HECW1: variants seen among roughly 807,000 people sequenced by gnomAD.
HECW1 encodes HECT, C2 and WW domain containing E3 ubiquitin protein ligase 1, also known as E3 ubiquitin-protein ligase HECW1.
A neutral mutation model predicts 182.3 loss-of-function variants in HECW1; 61 were observed. That is an observed-to-expected ratio of 0.33 (90% CI 0.27 to 0.41). The LOEUF (loss-of-function observed/expected upper bound fraction) is 0.41, where lower values mean the gene tolerates loss of function less well. HECW1 is among the 10% of genes least tolerant of loss of function. The pLI is 1.00. For missense variants in HECW1, 1,739 were observed against 2,108.9 expected, an observed-to-expected ratio of 0.82 and a Z score of 3.44; for synonymous variants, 859 against 832.6, an observed-to-expected ratio of 1.03 and a Z score of -0.55.
chr7:43,423,857 G>A (rs543447086), intron 8 of HECW1, among the ~76,000 whole-genome samples: 24 of 152,304 alleles, frequency 1.6e-4, no homozygotes, highest in African/African-American at 5.5e-4. Flanking sequence ...CACTAAAAGT[G>A]ACATCCTGTA....
rs1288308630 is a variant in HECW1 at position 43,488,424 on chromosome 7, AAGAAAGAAAG to A, written c.3235-3639_3235-3630del. On this transcript the variant is annotated intron_variant, in intron 17 of 29. Coordinates refer to ENST00000395891, the MANE Select transcript of HECW1 (RefSeq NM_015052.5). Reference sequence around the variant, plus strand: ...GAAATGAAAGAAAGAGAGAGAGAGAAAGAAAGAAAGAGAAAGAAAGAAAGAAAGAAAGAAA... The same window carrying A: ...GAAATGAAAGAAAGAGAGAGAGAGAAAGAAAGAAAGAAAGAAAGAAAGAAA... 1.3e-3 allele frequency among the ~76,000 whole-genome samples: 82 copies of A among 61,878 alleles called. 1 individual carries two copies. The highest frequency in any genetic ancestry group is 3.0e-3 in the African/African-American group (76 of 25,388). 40.6% of individuals were successfully genotyped at this position (61,878 alleles called of 152,430 possible). A position where few individuals can be genotyped will look rare whatever the true frequency, so the allele number is the denominator to read the frequency against.
At chr7:43,520,091 G>C (rs757864047) in intron 24 of HECW1, among the ~76,000 whole-genome samples, 1 of 152,050 alleles carries the variant, frequency 6.6e-6, no homozygotes, top group Non-Finnish European at 1.5e-5. Context: ...ATTATTAGTG[G>C]TAAACAAATG....
intron 5 of HECW1, among the ~76,000 whole-genome samples, chr7:43,360,441 G>A (rs1005078745): frequency 1.3e-5 from 2 of 152,094 alleles, no homozygotes; most frequent in Admixed American, 1.3e-4. Context: ...ATGGGTACAG[G>A]AGTTTAGAAA....
In HECW1 at chr7:43,554,020, A is replaced by G. The variant is rs572372008; in HGVS notation, c.4511-572A>G. Among the ~76,000 whole-genome samples, 113 of 152,376 alleles carry G rather than the reference A, an allele frequency of 7.4e-4. 1 individual carries two copies. The highest frequency in any genetic ancestry group is 3.9e-3 in the Admixed American group (60 of 15,308). ...TATCCAAGCATGGTCTCCCCAGCTT[A>G]CTGTGAGAGGGACCCAGTACTTAAT... On this transcript the variant is annotated intron_variant, in intron 28 of 29. Transcript: ENST00000395891.
chr7:43,369,414 C>T (rs538770037), intron 6 of HECW1, among the ~76,000 whole-genome samples: 22 of 152,222 alleles, frequency 1.4e-4, no homozygotes, highest in South Asian at 6.2e-4. Flanking sequence ...GCCAAGATCA[C>T]GCCATTGCAC....
At chr7:43,445,662 G>A (rs889595510) in intron 11 of HECW1, 92 bp downstream of exon 11, 1 of 1,424,480 alleles carries the variant, frequency 7.0e-7, no homozygotes, top group Non-Finnish European at 9.3e-7. Flanking sequence ...GCGGGGGATC[G>A]GTGTCAAACG....
intron 2 of HECW1, among the ~76,000 whole-genome samples, chr7:43,225,117 G>A (rs1259797649): frequency 6.6e-6 from 1 of 152,202 alleles, no homozygotes; most frequent in African/African-American, 2.4e-5. Flanking sequence ...CAGGGGCCTG[G>A]AGATCCTGGA....
intron 14 of HECW1, 110 bp downstream of exon 14, chr7:43,463,909 G>C: frequency 8.0e-7 from 1 of 1,243,142 alleles, no homozygotes; most frequent in Non-Finnish European, 1.1e-6. Flanking sequence ...CCAGGGTGAA[G>C]AGAGTGGAAG....
At chr7:43,423,628 G>A (rs1040989640) in intron 8 of HECW1, among the ~76,000 whole-genome samples, 1 of 152,210 alleles carries the variant, frequency 6.6e-6, no homozygotes, top group Non-Finnish European at 1.5e-5. Context: ...GGAATAGAGT[G>A]AGCTGGGCAA....
chr7:43,332,223 TCTC>T (rs1460270164), intron 5 of HECW1, among the ~76,000 whole-genome samples: 1 of 152,064 alleles, frequency 6.6e-6, no homozygotes. Flanking sequence ...ATAAAAAGCT[TCTC>T]CTCTTCCTCT....
intron 5 of HECW1, among the ~76,000 whole-genome samples, chr7:43,336,144 T>TCTCTC (rs1812211759): frequency 4.0e-4 from 21 of 51,978 alleles, no homozygotes; most frequent in Middle Eastern, 0.014. Flanking sequence ...CTCTCTCTCT[T>TCTCTC]TCTCTCTCTC....
At chr7:43,304,840 A>G (rs968242366) in intron 3 of HECW1, among the ~76,000 whole-genome samples, 3 of 152,160 alleles carry the variant, frequency 2.0e-5, no homozygotes, top group Admixed American at 6.5e-5. Flanking sequence ...GCCAGGCACT[A>G]CTTTTGCTGG....
chr7:43,319,408 A>AAAAAAAAAAAAAAG (rs1249772644), intron 4 of HECW1, among the ~76,000 whole-genome samples: 2 of 136,312 alleles, frequency 1.5e-5, no homozygotes, highest in Admixed American at 7.0e-5. Context: ...AAAAAAAAAA[A>AAAAAAAAAAAAAAG]AGAGAGAACA....
intron 2 of HECW1, among the ~76,000 whole-genome samples, chr7:43,143,708 G>T (rs1307778916): frequency 6.6e-6 from 1 of 152,180 alleles, no homozygotes; most frequent in Non-Finnish European, 1.5e-5. Context: ...CTTTGGAGAA[G>T]ATCCTCCTGG....
chr7:43,441,274 A>T (rs1228759052), intron 9 of HECW1, among the ~76,000 whole-genome samples: 2 of 152,098 alleles, frequency 1.3e-5, no homozygotes, highest in Non-Finnish European at 2.9e-5. Flanking sequence ...CAGGGTGGAG[A>T]CTTGGGGTCC....
At chr7:43,369,293 T>G (rs1817019096) in intron 6 of HECW1, among the ~76,000 whole-genome samples, 1 of 152,046 alleles carries the variant, frequency 6.6e-6, no homozygotes, top group Admixed American at 6.6e-5. Context: ...ACTCCATCTC[T>G]ACTAAAAATA....
intron 2 of HECW1, among the ~76,000 whole-genome samples, chr7:43,137,630 ACC>A (rs1167533750): frequency 1.3e-5 from 2 of 151,772 alleles, no homozygotes; most frequent in Non-Finnish European, 2.9e-5. Context: ...GCTCACTGCA[ACC>A]CACACCTCCT....
At chr7:43,541,625 G>A (rs1443829985) in intron 25 of HECW1, among the ~76,000 whole-genome samples, 1 of 152,150 alleles carries the variant, frequency 6.6e-6, no homozygotes, top group Non-Finnish European at 1.5e-5. Context: ...TTTTCATGCA[G>A]AGTCCCTGAG....
rs1223594225 is a variant in HECW1 at position 43,445,116 on chromosome 7, C to T, written c.1944C>T (p.Gly648=). Residue 648 remains glycine (G), a synonymous_variant, in exon 11 of 30, where the codon GGC becomes GGT. Transcript: ENST00000395891. ...TGGCCAATGGCGCGGCCCAGGATGG[C>T]GACACGCACCCCAGCACCGGGAGCG... ...PSLANGAAQD[G]DTHPSTGSES... The T allele has an allele frequency of 6.2e-7, 1 of 1,607,670 alleles. No homozygotes were observed. Among genetic ancestry groups the T allele is most frequent in the Non-Finnish European group, 8.5e-7 (1 of 1,178,506 alleles).
Sources: gnomAD v4.1 joint callset for allele counts (sites outside exome capture counted in the v4.1 genomes callset) on GRCh38, gnomAD v4.1.1 for gene constraint, MANE v1.5 for transcripts, NCBI Gene and HGNC (gene_info 2026-07-23, HGNC 2026-07-21) for gene names.